The following ADGRL4 variants were observed in gnomAD, a reference collection of about 807,000 sequenced individuals.
ADGRL4 encodes the protein EGF, latrophilin and seven transmembrane domain containing 1.
In ADGRL4, 90 loss-of-function variants were observed where a neutral mutation model predicts 74.8. The observed-to-expected ratio is 1.20, with a 90% CI of 1.02 to 1.43. ADGRL4 has a LOEUF of 1.43. ADGRL4 is among the 40% of genes most tolerant of loss of function. ADGRL4 has a pLI of 0.00. For synonymous variants in ADGRL4, 311 were observed against 279.2 expected (o/e 1.11, Z -1.14); for missense variants, 881 against 814.3 (o/e 1.08, Z -1.00).
chr1:78,925,920 A>G (rs1032271), intron 8 of ADGRL4, among the ~76,000 whole-genome samples: 72,383 of 151,846 alleles, frequency 0.48, 17,850 homozygotes, highest in Middle Eastern at 0.56. Flanking sequence ...TGCATTTAGC[A>G]TCTAAAAAAG....
At chr1:78,898,259 T>C (rs1445836006) in intron 12 of ADGRL4, among the ~76,000 whole-genome samples, 2 of 152,176 alleles carry the variant, frequency 1.3e-5, no homozygotes, top group African/African-American at 2.4e-5. Context: ...TATGTTTATA[T>C]GGCAGTGTCT....
At chr1:78,979,615 A>G (rs899936703) in intron 2 of ADGRL4, among the ~76,000 whole-genome samples, 7 of 152,006 alleles carry the variant, frequency 4.6e-5, no homozygotes, top group African/African-American at 1.7e-4. Flanking sequence ...TTATCACAAC[A>G]CAATTTGAAA....
chr1:78,916,308 C>G (rs1227507567), intron 12 of ADGRL4, among the ~76,000 whole-genome samples: 1 of 151,766 alleles, frequency 6.6e-6, no homozygotes, highest in Non-Finnish European at 1.5e-5. Flanking sequence ...CTCCACGGAC[C>G]TTTCACTTGT....
At chr1:78,935,934 T>C (rs1649342499) in intron 7 of ADGRL4, among the ~76,000 whole-genome samples, 1 of 85,836 alleles carries the variant, frequency 1.2e-5, no homozygotes. Context: ...CCATCCTGGC[T>C]AACACGGTGA....
chr1:78,987,539 T>A lies in ADGRL4; in HGVS notation c.172+17531A>T, dbSNP rs908361798. On this transcript the variant is annotated intron_variant, in intron 2 of 14. Coordinates refer to ENST00000370742, the MANE Select transcript of ADGRL4 (RefSeq NM_022159.4). Reference sequence around the variant, plus strand: ...TAAAAATTTGGAAGTTATTACTCAATCCACTGTACTGAGAAAAATTTTAGG... The same window carrying A: ...TAAAAATTTGGAAGTTATTACTCAAACCACTGTACTGAGAAAAATTTTAGG... 2.4e-4 allele frequency among the ~76,000 whole-genome samples: 36 copies of A among 151,890 alleles called. 1 individual carries two copies. The highest frequency in any genetic ancestry group is 8.2e-4 in the African/African-American group (34 of 41,524).
intron 12 of ADGRL4, among the ~76,000 whole-genome samples, chr1:78,897,111 G>A (rs1437076818): frequency 6.6e-6 from 1 of 152,148 alleles, no homozygotes; most frequent in Admixed American, 6.6e-5. Context: ...AGAATGATGA[G>A]TATTCTTTAC....
chr1:78,902,012 C>T (rs2130196), intron 12 of ADGRL4, among the ~76,000 whole-genome samples: 150,234 of 152,284 alleles, frequency 0.99, 74,146 homozygotes, highest in Middle Eastern at 1. Flanking sequence ...AATAAATATA[C>T]TAAAGTAGGC....
chr1:79,004,202 C>T (rs76786145), intron 2 of ADGRL4, among the ~76,000 whole-genome samples: 27,296 of 152,016 alleles, frequency 0.18, 2,524 homozygotes, highest in East Asian at 0.25. Context: ...CATAACACCC[C>T]ACAGCTATAA....
chr1:78,914,257 T>G (rs1648822837), intron 12 of ADGRL4, among the ~76,000 whole-genome samples: 1 of 151,960 alleles, frequency 6.6e-6, no homozygotes, highest in African/African-American at 2.4e-5. Context: ...TACTGATCTC[T>G]CCACATCTTA....
chr1:79,005,966 C>T (rs1380448559), intron 1 of ADGRL4, among the ~76,000 whole-genome samples: 1 of 152,112 alleles, frequency 6.6e-6, no homozygotes, highest in Non-Finnish European at 1.5e-5. Flanking sequence ...CAAGACTATA[C>T]ATCAGAGTTA....
In ADGRL4 at chr1:78,921,694, T is replaced by C; in HGVS notation, c.1176A>G (p.Thr392=). Residue 392 remains threonine, a synonymous_variant, in exon 9 of 15, where the codon ACA becomes ACG. Transcript: ENST00000370742. Reference sequence around the variant, plus strand: ...ATGAGGTGTGGGTCTCATTTGAGTATGTCAGCTCACAGCCCTCTGAAGACC... The same window carrying C: ...ATGAGGTGTGGGTCTCATTTGAGTACGTCAGCTCACAGCCCTCTGAAGACC... ...GSWSSEGCEL[T]YSNETHTSCR... 1.2e-6 allele frequency: 2 copies of C among 1,604,516 alleles called. No homozygotes were observed. Among genetic ancestry groups the C allele is most frequent in the Non-Finnish European group, 1.7e-6 (2 of 1,175,442 alleles).
chr1:78,974,243 G>T (rs188784576), intron 2 of ADGRL4, among the ~76,000 whole-genome samples: 1 of 152,168 alleles, frequency 6.6e-6, no homozygotes, highest in Non-Finnish European at 1.5e-5. Flanking sequence ...GATGGGAGGA[G>T]AAGTCATAAC....
chr1:78,941,583 C>T (rs72675863), intron 3 of ADGRL4, among the ~76,000 whole-genome samples: 2,392 of 151,686 alleles, frequency 0.016, 35 homozygotes, highest in Non-Finnish European at 0.022. Flanking sequence ...AAATGTGCAA[C>T]AGTCTTAGAA....
At chr1:78,990,392 T>G (rs1650583218) in intron 2 of ADGRL4, among the ~76,000 whole-genome samples, 1 of 151,930 alleles carries the variant, frequency 6.6e-6, no homozygotes, top group South Asian at 2.1e-4. Context: ...CACTGGAATC[T>G]TCTATTAAAA....
intron 10 of ADGRL4, 105 bp downstream of exon 10, chr1:78,920,078 T>C (rs553851751): frequency 1.2e-6 from 1 of 812,380 alleles, no homozygotes; most frequent in African/African-American, 1.7e-5. Flanking sequence ...ATAGAGAACG[T>C]CTGCCCCATT....
At chr1:78,945,177 A>AAAAAAAT (rs376405445) in intron 3 of ADGRL4, among the ~76,000 whole-genome samples, 2 of 127,922 alleles carry the variant, frequency 1.6e-5, no homozygotes, top group African/African-American at 5.9e-5. Context: ...AAAAAAAAAA[A>AAAAAAAT]ATATATATAT....
chr1:78,933,841 G>T (rs1286670476), intron 7 of ADGRL4, among the ~76,000 whole-genome samples: 1 of 147,528 alleles, frequency 6.8e-6, no homozygotes, highest in African/African-American at 2.7e-5. Context: ...TTGCTACAAA[G>T]AGAACAAAAT....
At chr1:78,952,829 C>G (rs980106810) in intron 2 of ADGRL4, among the ~76,000 whole-genome samples, 1 of 152,046 alleles carries the variant, frequency 6.6e-6, no homozygotes, top group Non-Finnish European at 1.5e-5. Context: ...TTTGAAACTA[C>G]AGGTTCATTT....
chr1:78,900,942 C>T (rs1327102943), intron 12 of ADGRL4, among the ~76,000 whole-genome samples: 1 of 151,154 alleles, frequency 6.6e-6, no homozygotes, highest in African/African-American at 2.4e-5. Flanking sequence ...GATTTTAAAT[C>T]TTAAAAGGTT....
Sources: allele counts gnomAD v4.1 joint callset (sites outside exome capture counted in the v4.1 genomes callset), GRCh38; gene constraint gnomAD v4.1.1; transcripts MANE v1.5; gene names NCBI Gene and HGNC (gene_info 2026-07-23, HGNC 2026-07-21).